The following CCDC146 variants were observed in gnomAD, a reference collection of about 807,000 sequenced individuals.
CCDC146 encodes the protein coiled-coil domain containing 146, also known as coiled-coil domain-containing protein 146.
Under a neutral mutation model 119.3 loss-of-function variants are expected in CCDC146, and 92 were observed. The observed-to-expected ratio is 0.77, with a 90% CI of 0.65 to 0.92. The LOEUF is 0.92. Ranked by LOEUF, CCDC146 falls within the 40% of genes least tolerant of loss-of-function variation. CCDC146 has a pLI of 0.00. For synonymous variants in CCDC146, 372 were observed against 371.8 expected (o/e 1.00, Z -0.01); for missense variants, 1,000 against 1,103.0 (o/e 0.91, Z 1.32).
At chr7:77,130,597 C>CTTTTTTTTT (rs34309739) in intron 1 of CCDC146, among the ~76,000 whole-genome samples, 2 of 125,758 alleles carry the variant, frequency 1.6e-5, no homozygotes, top group Admixed American at 8.0e-5. Context: ...TCCTTTCTTT[C>CTTTTTTTTT]TTTTTTTTTT....
chr7:77,239,551 G>C (rs1422019916), intron 3 of CCDC146, among the ~76,000 whole-genome samples: 2 of 152,198 alleles, frequency 1.3e-5, no homozygotes, highest in African/African-American at 4.8e-5. Context: ...GGTAACTTCA[G>C]TTGAGATTGG....
intron 3 of CCDC146, among the ~76,000 whole-genome samples, chr7:77,241,327 G>C (rs1267432427): frequency 1.1e-5 from 1 of 95,172 alleles, no homozygotes; most frequent in African/African-American, 2.7e-5. Context: ...AAAGTGCTGG[G>C]ATTACAGGCA....
rs73373644 is a variant in CCDC146 at position 77,233,437 on chromosome 7, C to A, written c.157-3510C>A. Among the ~76,000 whole-genome samples, 677 of 152,078 alleles carry A rather than the reference C, an allele frequency of 4.5e-3. 7 individuals carry two copies. Among genetic ancestry groups the A allele is most frequent in the African/African-American group, 0.016 (655 of 41,514 alleles). On this transcript the variant is annotated intron_variant, in intron 2 of 18. Transcript: ENST00000285871. ...GAGAGAATTCATCAAACTCTTCATC[C>A]CACCATTTTGGAAGTCCCACCCACC... is the stretch of plus-strand genomic sequence containing the variant.
intron 2 of CCDC146, among the ~76,000 whole-genome samples, chr7:77,174,189 G>T (rs1307826512): frequency 2.0e-5 from 3 of 152,106 alleles, no homozygotes; most frequent in African/African-American, 7.2e-5. Context: ...TTTGTGTCTG[G>T]CTGCTTTTGC....
intron 9 of CCDC146, among the ~76,000 whole-genome samples, chr7:77,269,784 C>T (rs7803593): frequency 0.024 from 3,671 of 152,166 alleles, 144 homozygotes; most frequent in African/African-American, 0.083. Context: ...TAAGAAAAAT[C>T]TGGTTTTGTT....
intron 2 of CCDC146, among the ~76,000 whole-genome samples, chr7:77,172,862 A>G (rs918047981): frequency 2.0e-5 from 3 of 152,174 alleles, no homozygotes; most frequent in Non-Finnish European, 2.9e-5. Context: ...CATAGACTGC[A>G]CTTTGCAACC....
At chr7:77,128,908 A>G (rs1443155513) in intron 1 of CCDC146, among the ~76,000 whole-genome samples, 2 of 152,104 alleles carry the variant, frequency 1.3e-5, no homozygotes, top group African/African-American at 2.4e-5. Context: ...TTTTGGCCAT[A>G]ACAAAAGGGG....
At chr7:77,188,607 G>A (rs915320731) in intron 2 of CCDC146, among the ~76,000 whole-genome samples, 1 of 152,024 alleles carries the variant, frequency 6.6e-6, no homozygotes, top group African/African-American at 2.4e-5. Context: ...ACTCTCCTAA[G>A]GTGGTATCTC....
In CCDC146 at chr7:77,260,054, G is replaced by A. The variant is rs1243784052; in HGVS notation, c.804G>A (p.Thr268=). 5.3e-6 allele frequency: 8 copies of A among 1,508,160 alleles called. No individual in the cohort carries two copies. The highest frequency in any genetic ancestry group is 3.3e-5 in the South Asian group (3 of 89,738). The allele number at this position is 1,508,160 out of a possible 1,614,324, so 93.4% of individuals were successfully genotyped here. A position where few individuals can be genotyped will look rare whatever the true frequency, so the allele number is the denominator to read the frequency against. The part of the protein sequence containing the change: ...KKIVLEQEVK[T]LNDSLKKVEN... ...TTGTCTTGGAACAAGAAGTCAAAAC[G>A]CTAAATGACTCCCTAAAGAAAGTTG... is the stretch of plus-strand genomic sequence containing the variant. The change falls in exon 8 of 19, where the codon ACG becomes ACA. Residue 268 remains threonine, a synonymous_variant. Transcript: ENST00000285871.
chr7:77,199,289 T>G (rs1191250088), intron 2 of CCDC146: 1 of 1,614,146 alleles, frequency 6.2e-7, no homozygotes, highest in African/African-American at 1.3e-5. Flanking sequence ...TAATTTTCTA[T>G]GTTGTTCATA....
chr7:77,158,061 T>C (rs2539193), intron 1 of CCDC146, among the ~76,000 whole-genome samples: 1 of 152,140 alleles, frequency 6.6e-6, no homozygotes, highest in Non-Finnish European at 1.5e-5. Context: ...TGGCTCCCAA[T>C]GCCTAGAGTT....
intron 15 of CCDC146, among the ~76,000 whole-genome samples, chr7:77,286,149 G>C (rs1287412638): frequency 6.6e-6 from 1 of 152,190 alleles, no homozygotes; most frequent in Non-Finnish European, 1.5e-5. Context: ...GCCAGCATCT[G>C]CATCTGGTGA....
intron 5 of CCDC146, among the ~76,000 whole-genome samples, chr7:77,255,677 A>C (rs368673128): frequency 1.3e-5 from 2 of 152,218 alleles, no homozygotes; most frequent in East Asian, 3.8e-4. Flanking sequence ...CTTCGTCATT[A>C]GTAAGAGTAA....
chr7:77,199,072 G>T (rs1791928983), intron 2 of CCDC146: 1 of 932,596 alleles, frequency 1.1e-6, no homozygotes, highest in South Asian at 1.6e-5. Context: ...ATAAATAAAA[G>T]ACTTAATCTG....
intron 2 of CCDC146, among the ~76,000 whole-genome samples, chr7:77,211,433 T>C (rs1010471980): frequency 2.0e-5 from 3 of 152,180 alleles, no homozygotes; most frequent in Non-Finnish European, 4.4e-5. Context: ...CTATCTGTTG[T>C]ATTTCCAATT....
intron 2 of CCDC146, chr7:77,195,872 G>A (rs1562829284): frequency 6.2e-6 from 1 of 161,726 alleles, no homozygotes. Flanking sequence ...GGCCAGGCTG[G>A]TCTCAAACTC....
chr7:77,149,293 G>A (rs1335505825), intron 1 of CCDC146, among the ~76,000 whole-genome samples: 1 of 152,062 alleles, frequency 6.6e-6, no homozygotes, highest in Non-Finnish European at 1.5e-5. Context: ...AACTGAAACT[G>A]GATCCCTTCC....
At chr7:77,219,272 A>C (rs1034058046) in intron 2 of CCDC146, among the ~76,000 whole-genome samples, 2 of 152,194 alleles carry the variant, frequency 1.3e-5, no homozygotes, top group Non-Finnish European at 2.9e-5. Flanking sequence ...AACTTAAAAA[A>C]GTTTTCCTTC....
chr7:77,292,969 A>G lies in CCDC146; in HGVS notation c.2433A>G (p.Arg811=). Residue 811 remains arginine (R), a synonymous_variant, in exon 18 of 19, where the codon AGA becomes AGG. Coordinates refer to ENST00000285871, the MANE Select transcript of CCDC146 (RefSeq NM_020879.3). ...AATTCTAGATGAATGGCTATCAAAG[A>G]AGGATCAAAAATGCAACTGAGAAAA... ...LLAKKMNGYQ[R]RIKNATEKMM... 1 of 1,613,892 alleles carries G rather than the reference A, an allele frequency of 6.2e-7. No homozygotes were observed. Among genetic ancestry groups the G allele is most frequent in the Non-Finnish European group, 8.5e-7 (1 of 1,180,000 alleles).
Sources: gnomAD v4.1 joint callset for allele counts (sites outside exome capture counted in the v4.1 genomes callset) on GRCh38, gnomAD v4.1.1 for gene constraint, MANE v1.5 for transcripts, NCBI Gene and HGNC (gene_info 2026-07-23, HGNC 2026-07-21) for gene names.